The following SPTBN5 variants were observed in gnomAD, a reference collection of about 807,000 sequenced individuals.
The protein encoded by SPTBN5 is spectrin beta, non-erythrocytic 5, also known as spectrin beta chain, non-erythrocytic 5.
A neutral mutation model predicts 477.6 loss-of-function variants in SPTBN5; 513 were observed. The ratio of observed to expected loss-of-function variants is 1.07; its 90% CI spans 1.00 to 1.16. The LOEUF (loss-of-function observed/expected upper bound fraction) is 1.16, where lower values mean the gene tolerates loss of function less well. SPTBN5 is among the 50% of genes most tolerant of loss of function. The pLI, the probability that SPTBN5 is intolerant of heterozygous loss-of-function variation, is 0.00. For missense variants in SPTBN5, 5,062 were observed against 4,731.8 expected, an observed-to-expected ratio of 1.07 and a Z score of -2.05; for synonymous variants, 2,169 against 2,011.7, an observed-to-expected ratio of 1.08 and a Z score of -2.09.
chr15:41,893,742 ATTC>A (rs1281426416), intron 1 of SPTBN5, 154 bp downstream of exon 1: 6 of 632,646 alleles, frequency 9.5e-6, no homozygotes, highest in Admixed American at 6.0e-5. Context: ...CACCTTCCAG[ATTC>A]TTCTTCTCAG....
In SPTBN5 at chr15:41,870,003, C is replaced by T. The variant is rs2066477321; in HGVS notation, c.5691G>A (p.Glu1897=). The T allele has an allele frequency of 1.3e-6, 2 of 1,504,496 alleles. No homozygotes were observed. The highest frequency in any genetic ancestry group is 1.8e-6 in the Non-Finnish European group (2 of 1,125,404). 93.2% of individuals were successfully genotyped at this position (1,504,496 alleles called of 1,614,324 possible). Reference sequence around the variant, plus strand: ...ACAGCTTCTGCACCCTGCCTGCAGTCTCCAGCAGTTCCTGCAGCTGCGGGA... The same window carrying T: ...ACAGCTTCTGCACCCTGCCTGCAGTTTCCAGCAGTTCCTGCAGCTGCGGGA... The part of the protein sequence containing the change: ...GTERQLQELL[E]TAGRVQKLCP... The change falls in exon 32 of 68, where the codon GAG becomes GAA. Residue 1897 remains glutamate (E), a synonymous_variant. Transcript: ENST00000320955.
intron 49 of SPTBN5, 145 bp from the exon 50 acceptor site, chr15:41,857,855 T>A: frequency 1.1e-6 from 1 of 903,316 alleles, no homozygotes; most frequent in Non-Finnish European, 1.6e-6. Flanking sequence ...TACCTAAGCC[T>A]CATTTTCCTC....
chr15:41,870,128 T>C, intron 31 of SPTBN5, 108 bp from the exon 32 acceptor site: 3 of 1,453,292 alleles, frequency 2.1e-6, no homozygotes, highest in Non-Finnish European at 1.8e-6. Context: ...CGTCCTGCCA[T>C]GCACAGGAGG....
In SPTBN5 at chr15:41,855,213, G is replaced by A; in HGVS notation, c.9423+11C>T. On this transcript the variant is annotated intron_variant, in intron 55 of 67. Coordinates refer to ENST00000320955, the MANE Select transcript of SPTBN5 (RefSeq NM_016642.4). ...CCCACTCCCCGTGAGGTTTGCTCAG[G>A]AGTAACTCACCTTGACACCCTCCAG... 1 of 1,604,580 alleles carries A rather than the reference G, an allele frequency of 6.2e-7. No homozygotes were observed. Among genetic ancestry groups the A allele is most frequent in the Non-Finnish European group, 8.5e-7 (1 of 1,173,828 alleles).
intron 15 of SPTBN5, 102 bp from the exon 16 acceptor site, chr15:41,879,601 G>T (rs1595498741): frequency 1.9e-6 from 3 of 1,548,672 alleles, no homozygotes; most frequent in African/African-American, 2.7e-5. Flanking sequence ...CAGACTGGCT[G>T]TCCCTTGCCC....
chr15:41,851,138 T>C lies in SPTBN5; in HGVS notation c.10756A>G (p.Ile3586Val), dbSNP rs1353905591. 1 of 1,613,080 alleles carries C rather than the reference T, an allele frequency of 6.2e-7. No individual in the cohort carries two copies. The highest frequency in any genetic ancestry group is 8.5e-7 in the Non-Finnish European group (1 of 1,179,788). The change falls in exon 65 of 68, where the codon ATA (isoleucine) becomes GTA (valine). Residue 3586 changes from isoleucine to valine, a missense_variant. By Grantham distance (29) the Ile-to-Val change is conservative. Transcript: ENST00000320955. The part of the protein sequence containing the change: ...ERMAAEKVAS[I>V]ALLDLTGARC... ...GCTCCCGTGAGGTCAAGGAGGGCTA[T>C]GGAAGCTACTTTCTGAGGAGAGATG...
chr15:41,888,095 C>G lies in SPTBN5; in HGVS notation c.502-10G>C. 6.4e-7 allele frequency: 1 copy of G among 1,559,220 alleles called. No individual in the cohort carries two copies. The highest frequency in any genetic ancestry group is 1.7e-4 in the Middle Eastern group (1 of 5,738). The stretch of plus-strand genomic sequence containing the variant: ...TGGCCCCAAACTCCTCCTGGCGGGA[C>G]AGGGCAGCAGGGTCACCATGCGGGG... On this transcript the variant is annotated splice_polypyrimidine_tract_variant and intron_variant, in intron 4 of 67. Coordinates refer to ENST00000320955, the MANE Select transcript of SPTBN5 (RefSeq NM_016642.4).
rs755704564 is a variant in SPTBN5, at chr15:41,870,373, G to C, written c.5563-20C>G. On this transcript the variant is annotated intron_variant, in intron 30 of 67. Coordinates refer to ENST00000320955, the MANE Select transcript of SPTBN5 (RefSeq NM_016642.4). The stretch of plus-strand genomic sequence containing the variant: ...TTTCTCCTGAGGAAGGGAGAATGCC[G>C]AGGAGATGAGGGATGGAGCGTGGGC... 6.3e-7 allele frequency: 1 copy of C among 1,593,196 alleles called. No homozygotes were observed. The highest frequency in any genetic ancestry group is 1.3e-5 in the African/African-American group (1 of 74,610).
At chr15:41,880,960 TC>T in intron 13 of SPTBN5, 73 bp downstream of exon 13, 1 of 1,326,630 alleles carries the variant, frequency 7.5e-7, no homozygotes, top group African/African-American at 1.5e-5. Flanking sequence ...CACTGCCTTG[TC>T]CCCTGGGATC....
rs369080223 is a variant in SPTBN5, at chr15:41,856,892, C to G, written c.8769G>C (p.Gln2923His). The G allele has an allele frequency of 2.1e-5, 32 of 1,551,590 alleles. No homozygotes were observed. In the African/African-American group the frequency reaches 3.8e-4, roughly 19 times the overall value. The change falls in exon 52 of 68, where the codon CAG (glutamine) becomes CAC (histidine). Residue 2923 changes from glutamine (Q) to histidine (H), a missense_variant. Gln to His is a conservative substitution (Grantham distance 24). Transcript: ENST00000320955. ...LPLAAAQDYGQSLSAVRHLQE... is the reference protein window; with the variant it reads ...LPLAAAQDYGHSLSAVRHLQE... ...GCAGGTGCCGCACCGCACTCAGGCT[C>G]TGGCCATAGTCCTGGGCAGCGGCCA... is the stretch of plus-strand genomic sequence containing the variant.
rs1053393062 is a variant in SPTBN5, at chr15:41,883,086, G to A, written c.1802C>T (p.Ser601Phe). Residue 601 changes from serine (S) to phenylalanine (F), a missense_variant, in exon 9 of 68, where the codon TCC (serine) becomes TTC (phenylalanine). Transcript: ENST00000320955. ...CACCTCCACACTGGTGCCCAGGGAG[G>A]AGTCCAGCTCTGCTGTCTGCTGAGC... is the stretch of plus-strand genomic sequence containing the variant. ...HLAQQTAELD[S>F]SLGTSVEVLQ... 20 of 1,601,820 alleles carry A rather than the reference G, an allele frequency of 1.2e-5. No homozygotes were observed. The highest frequency in any genetic ancestry group is 1.4e-5 in the Non-Finnish European group (17 of 1,174,700).
At chr15:41,885,265 C>G (rs1256408255) in intron 7 of SPTBN5, among the ~76,000 whole-genome samples, 1 of 152,342 alleles carries the variant, frequency 6.6e-6, no homozygotes, top group South Asian at 2.1e-4. Flanking sequence ...CTCAGGTCAT[C>G]CGCCTGCTAC....
chr15:41,853,004 G>GTGGGGAGGGGCTGCTATGGGTGACAGCT lies in SPTBN5; in HGVS notation c.10171-32_10171-5dup. ...GCTCCTGCAGGCACTCTGTCACCTG[G>GTGGGGAGGGGCTGCTATGGGTGACAGCT]TGGGGAGGGGCTGCTATGGGTGACA... On this transcript the variant is annotated splice_polypyrimidine_tract_variant and splice_region_variant and intron_variant, in intron 59 of 67. Transcript: ENST00000320955. 6.6e-7 allele frequency: 1 copy of GTGGGGAGGGGCTGCTATGGGTGACAGCT among 1,521,024 alleles called. No individual in the cohort carries two copies. Among genetic ancestry groups the GTGGGGAGGGGCTGCTATGGGTGACAGCT allele is most frequent in the Non-Finnish European group, 8.8e-7 (1 of 1,132,760 alleles). 94.2% of individuals were successfully genotyped at this position (1,521,024 alleles called of 1,614,324 possible). A position where few individuals can be genotyped will look rare whatever the true frequency, so the allele number is the denominator to read the frequency against.
chr15:41,867,737 G>A (rs2066377459), intron 34 of SPTBN5, 95 bp from the exon 35 acceptor site: 2 of 1,180,044 alleles, frequency 1.7e-6, no homozygotes, highest in Non-Finnish European at 2.5e-6. Context: ...GGTATGGCAG[G>A]GCCTTAGGAG....
At position 41,875,011 on chromosome 15, in the gene SPTBN5, A is replaced by G. The variant is rs1381293794; in HGVS notation, c.4333T>C (p.Ser1445Pro). 1.2e-6 allele frequency: 2 copies of G among 1,613,492 alleles called. No homozygotes were observed. The highest frequency in any genetic ancestry group is 2.2e-5 in the South Asian group (2 of 91,056). The change falls in exon 23 of 68, where the codon TCG becomes CCG. Residue 1445 changes from serine (S) to proline (P), a missense_variant. By Grantham distance (74) the Ser-to-Pro change is moderately conservative. Coordinates refer to ENST00000320955, the MANE Select transcript of SPTBN5 (RefSeq NM_016642.4). ...GAGCGCAGGTCCTGCCCTGTTTCCGAGCTCTGTAGGGCCCCTTCGAGCTGC... is the reference window on the plus strand; with the variant it reads ...GAGCGCAGGTCCTGCCCTGTTTCCGGGCTCTGTAGGGCCCCTTCGAGCTGC... ...LEQLEGALQS[S>P]ETGQDLRSSQ...
Position 41,877,157 on chromosome 15 carries a change from AG to A in SPTBN5, c.3669del (p.Cys1224ValfsTer17). The A allele has an allele frequency of 6.2e-7, 1 of 1,613,966 alleles. No individual in the cohort carries two copies. The highest frequency in any genetic ancestry group is 8.5e-7 in the Non-Finnish European group (1 of 1,179,874). On this transcript the variant is annotated frameshift_variant, in exon 18 of 68. Transcript: ENST00000320955. LOFTEE classifies it high-confidence loss of function. Reference sequence around the variant, plus strand: ...TGCAGCCAGGCCTGGTGGTTGGCACAGGTGGCAGTGAAACCATCCACTTCTC... The same window carrying A: ...TGCAGCCAGGCCTGGTGGTTGGCACAGTGGCAGTGAAACCATCCACTTCTC... ...FGREVDGFTA[T>X]CANHQAWLHL...
rs188523186 is a variant in SPTBN5 at position 41,893,462 on chromosome 15, G to C, written c.36C>G (p.Leu12=). 1.2e-6 allele frequency: 2 copies of C among 1,605,062 alleles called. No homozygotes were observed. Among genetic ancestry groups the C allele is most frequent in the South Asian group, 2.2e-5 (2 of 90,456 alleles). ...AGQPHSPREL[L]GAAGHRSRRP... ...TCCTGCTGCGGTGCCCTGCAGCCCC[G>C]AGGAGCTCCCGGGGACTGTGGGGCT... The change falls in exon 2 of 68, where the codon CTC becomes CTG. Residue 12 remains leucine (L), a synonymous_variant. Coordinates refer to ENST00000320955, the MANE Select transcript of SPTBN5 (RefSeq NM_016642.4).
At position 41,882,119 on chromosome 15, in the gene SPTBN5, A is replaced by C; in HGVS notation, c.2274T>G (p.Ala758=). ...LQYFADAAEA[A]SWLRERRSSL... is the part of the protein sequence containing the mutation. The stretch of plus-strand genomic sequence containing the variant: ...AGGATCGCCGCTCGCGCAGCCACGA[A>C]GCCGCCTCCGCCGCGTCCGCGAAGT... Residue 758 remains alanine, a synonymous_variant, in exon 12 of 68, where the codon GCT becomes GCG. Coordinates refer to ENST00000320955, the MANE Select transcript of SPTBN5 (RefSeq NM_016642.4). 6.4e-7 allele frequency: 1 copy of C among 1,573,778 alleles called. No homozygotes were observed. The highest frequency in any genetic ancestry group is 8.5e-7 in the Non-Finnish European group (1 of 1,171,028).
In SPTBN5 at chr15:41,848,313, CCAAG is replaced by C; in HGVS notation, c.*299_*302del. On this transcript the variant is annotated 3_prime_UTR_variant, in exon 68 of 68. Coordinates refer to ENST00000320955, the MANE Select transcript of SPTBN5 (RefSeq NM_016642.4). ...CTACCTGTGCTCAGAGTCACCCCTT[CCAAG>C]CAAGGAGGAGGCCACATGGGCCTGG... The C allele has an allele frequency of 1.9e-6, 1 of 537,676 alleles. No individual in the cohort carries two copies. The allele number at this position is 537,676 out of a possible 1,614,324, so 33.3% of individuals were successfully genotyped here.
Sources: allele counts gnomAD v4.1 joint callset (sites outside exome capture counted in the v4.1 genomes callset), GRCh38; gene constraint gnomAD v4.1.1; transcripts MANE v1.5; gene names NCBI Gene and HGNC (gene_info 2026-07-23, HGNC 2026-07-21).